BCAR3: variants seen among roughly 807,000 people sequenced by gnomAD.
BCAR3 encodes the protein BCAR3 adaptor protein, NSP family member, also known as breast cancer anti-estrogen resistance protein 3.
In BCAR3, 37 loss-of-function variants were observed where a neutral mutation model predicts 80.1. The observed-to-expected ratio is 0.46, with a 90% CI of 0.36 to 0.61. The LOEUF (loss-of-function observed/expected upper bound fraction) is 0.61. Ranked by LOEUF, BCAR3 falls within the 20% of genes least tolerant of loss-of-function variation. The pLI, the probability that BCAR3 is intolerant of heterozygous loss-of-function variation, is 0.00. For synonymous variants in BCAR3, 389 were observed against 418.9 expected (o/e 0.93, Z 0.87); for missense variants, 978 against 1,068.2 (o/e 0.92, Z 1.18).
At chr1:93,597,925 A>C (rs1674484212) in intron 3 of BCAR3, among the ~76,000 whole-genome samples, 1 of 152,212 alleles carries the variant, frequency 6.6e-6, no homozygotes. Context: ...GCTCCAAGAA[A>C]TCATAAATAT....
At position 93,759,543 on chromosome 1, in the gene BCAR3, C is replaced by CT. The variant is rs1236685767; in HGVS notation, c.-62-53402dup. ...ATTGGGGCCTCACAAGCAATTTTTG[C>CT]TTTTTAAGTTTCCTGTTTTTTCTTC... On this transcript the variant is annotated intron_variant, in intron 2 of 13. Coordinates refer to the BCAR3 transcript ENST00000370244. 3.3e-5 allele frequency among the ~76,000 whole-genome samples: 5 copies of CT among 152,220 alleles called. No individual in the cohort carries two copies. The East Asian group carries it at 9.7e-4, about 29-fold the overall frequency.
At chr1:93,788,496 G>A (rs191799523) in intron 2 of BCAR3, among the ~76,000 whole-genome samples, 73 of 152,302 alleles carry the variant, frequency 4.8e-4, no homozygotes, top group African/African-American at 1.7e-3. Context: ...TCTTATAGCA[G>A]TGGTTTGGTA....
At chr1:93,833,817 A>C (rs1447566544) in intron 2 of BCAR3, among the ~76,000 whole-genome samples, 2 of 152,218 alleles carry the variant, frequency 1.3e-5, no homozygotes, top group Non-Finnish European at 2.9e-5. Context: ...TAACACAATC[A>C]TCACAGGGTC....
rs1674246732 is a variant in BCAR3, at chr1:93,592,327, G to C, written c.424C>G (p.Leu142Val). 1 of 1,611,056 alleles carries C rather than the reference G, an allele frequency of 6.2e-7. No individual in the cohort carries two copies. The highest frequency in any genetic ancestry group is 8.5e-7 in the Non-Finnish European group (1 of 1,179,938). The change falls in exon 4 of 12, where the codon CTG (leucine) becomes GTG (valine). Residue 142 changes from leucine (L) to valine (V), a missense_variant. Leu to Val is a conservative substitution (Grantham distance 32). Transcript: ENST00000260502. This position sits in a 1 kb window ranked among gnomAD's most constrained non-coding sequence, Gnocchi z 4.8. Reference protein sequence around the residue: ...EKLKKELEEELLLSSEDLRSH... With the variant: ...EKLKKELEEEVLLSSEDLRSH... ...CGCAGGTCCTCGCTGCTCAGGAGCAGCTCCTCCTCCAGCTCCTTCTTCAGT... is the reference window on the plus strand; with the variant it reads ...CGCAGGTCCTCGCTGCTCAGGAGCACCTCCTCCTCCAGCTCCTTCTTCAGT...
At chr1:93,725,998 A>G (rs938626906) in intron 2 of BCAR3, among the ~76,000 whole-genome samples, 1 of 152,002 alleles carries the variant, frequency 6.6e-6, no homozygotes, top group South Asian at 2.1e-4. Context: ...CTTTATAATA[A>G]GTCAATAATA....
chr1:93,574,767 G>A (rs1187907923), intron 8 of BCAR3, among the ~76,000 whole-genome samples: 5 of 152,208 alleles, frequency 3.3e-5, no homozygotes, highest in African/African-American at 7.2e-5. Flanking sequence ...GGGGACACCC[G>A]GAGAGAGGCT....
At chr1:93,757,630 A>G (rs1651790484) in intron 2 of BCAR3, among the ~76,000 whole-genome samples, 1 of 152,214 alleles carries the variant, frequency 6.6e-6, no homozygotes, top group South Asian at 2.1e-4. Context: ...GCAGAGGGCT[A>G]GGCAGGCATC....
intron 2 of BCAR3, among the ~76,000 whole-genome samples, chr1:93,709,795 C>T (rs903494019): frequency 6.6e-6 from 1 of 152,178 alleles, no homozygotes; most frequent in African/African-American, 2.4e-5. Context: ...ATCAACTCAA[C>T]CGTCCTATAT....
chr1:93,695,313 G>A (rs894033107), intron 3 of BCAR3, among the ~76,000 whole-genome samples: 1 of 152,080 alleles, frequency 6.6e-6, no homozygotes, highest in Non-Finnish European at 1.5e-5. Flanking sequence ...CACAAATCTA[G>A]GGTAAGCTCA....
Position 93,575,987 on chromosome 1 carries a change from G to A in BCAR3, c.1802+27C>T, listed in dbSNP as rs145510947. 1.6e-3 allele frequency: 2,564 copies of A among 1,591,034 alleles called. 11 individuals are homozygous for A. The highest frequency in any genetic ancestry group is 1.2e-3 in the Non-Finnish European group (1,383 of 1,159,126). On this transcript the variant is annotated intron_variant, in intron 8 of 11. Coordinates refer to ENST00000260502, the MANE Select transcript of BCAR3 (RefSeq NM_003567.4). ...ATGCCTGGAAGGAGCTGGGAGGGTCGGAAGTGCAGAGGACGGCACTGCTCA... is the reference window on the plus strand; with the variant it reads ...ATGCCTGGAAGGAGCTGGGAGGGTCAGAAGTGCAGAGGACGGCACTGCTCA...
chr1:93,776,440 CA>C, intron 2 of BCAR3, among the ~76,000 whole-genome samples: 1 of 152,070 alleles, frequency 6.6e-6, no homozygotes, highest in Non-Finnish European at 1.5e-5. Context: ...TAAACATTAC[CA>C]CAATATAATT....
intron 2 of BCAR3, among the ~76,000 whole-genome samples, chr1:93,732,288 G>C (rs1371208636): frequency 1.3e-5 from 2 of 152,192 alleles, no homozygotes; most frequent in Non-Finnish European, 2.9e-5. Flanking sequence ...AGCACCAAGA[G>C]GTGGAGGGAG....
chr1:93,566,991 G>C (rs1354142433), intron 11 of BCAR3, among the ~76,000 whole-genome samples: 1 of 152,160 alleles, frequency 6.6e-6, no homozygotes, highest in Non-Finnish European at 1.5e-5. Flanking sequence ...GCCTCCCAGA[G>C]TGCTGGGATT....
At chr1:93,661,062 G>A (rs1647628476) in intron 2 of BCAR3, among the ~76,000 whole-genome samples, 1 of 151,420 alleles carries the variant, frequency 6.6e-6, no homozygotes, top group South Asian at 2.1e-4. Context: ...TTTTTGAGAT[G>A]GAGTTTTGCT....
upstream of BCAR3, among the ~76,000 whole-genome samples, chr1:93,683,018 T>A (rs1477694978): frequency 1.3e-5 from 2 of 152,044 alleles, no homozygotes; most frequent in Admixed American, 6.6e-5. Context: ...AATTAAGAGC[T>A]TCTGTTCATG....
intron 2 of BCAR3, among the ~76,000 whole-genome samples, chr1:93,786,192 CAAAAAAAAAAAAA>C (rs61644309): frequency 1.7e-4 from 4 of 23,242 alleles, no homozygotes; most frequent in Admixed American, 6.8e-4. Flanking sequence ...GACTCCGTCT[CAAAAAAAAAAAAA>C]AAAAAAAAAA....
chr1:93,771,053 G>A (rs1294002806), intron 2 of BCAR3, among the ~76,000 whole-genome samples: 1 of 152,062 alleles, frequency 6.6e-6, no homozygotes, highest in Non-Finnish European at 1.5e-5. Context: ...TCCTTATCCA[G>A]TACTAATAAT....
At chr1:93,619,416 A>T (rs1416415377) in intron 3 of BCAR3, among the ~76,000 whole-genome samples, 1 of 152,068 alleles carries the variant, frequency 6.6e-6, no homozygotes. Context: ...TACCCCTTGG[A>T]GTCTTATCCA....
rs1399315940 is a variant in BCAR3, at chr1:93,817,882, C to T, written c.-63+27685G>A. ...CTCCTCCTCCCTGCTTTCCCACCCT[C>T]CCAGTTCACCTTCCCCTAGACCTCC... On this transcript the variant is annotated intron_variant, in intron 2 of 13. Coordinates refer to the BCAR3 transcript ENST00000370244. Among the ~76,000 whole-genome samples the T allele has an allele frequency of 3.3e-5, 5 of 152,174 alleles. No individual in the cohort carries two copies. The East Asian group carries it at 9.6e-4, about 29-fold the overall frequency.
Sources: gnomAD v4.1 joint callset for allele counts (sites outside exome capture counted in the v4.1 genomes callset) on GRCh38, gnomAD v4.1.1 for gene constraint, Gnocchi (gnomAD v3.1) non-coding constraint, MANE v1.5 for transcripts, NCBI Gene and HGNC (gene_info 2026-07-23, HGNC 2026-07-21) for gene names.